The following PRKCZ variants were observed in gnomAD, a reference collection of about 807,000 sequenced individuals.
The protein encoded by PRKCZ is protein kinase C zeta.
A neutral mutation model predicts 79.5 loss-of-function variants in PRKCZ; 33 were observed. The ratio of observed to expected loss-of-function variants is 0.41; its 90% CI spans 0.31 to 0.55. The LOEUF is 0.55. Among genes scored for constraint, PRKCZ ranks in the 20% least tolerant of loss-of-function variants. The probability of loss-of-function intolerance (pLI) is 0.19; values close to 1 mark genes in which losing one functional copy is unlikely to be tolerated. For synonymous variants in PRKCZ, 342 were observed against 320.9 expected (o/e 1.07, Z -0.70); for missense variants, 578 against 813.5 (o/e 0.71, Z 3.52).
chr1:2,080,980 G>A (rs1297814085), intron 4 of PRKCZ, among the ~76,000 whole-genome samples: 2 of 152,156 alleles, frequency 1.3e-5, no homozygotes, highest in Non-Finnish European at 2.9e-5. Context: ...GCTGGGTCCA[G>A]GTCCACACCC....
At chr1:2,144,380 G>A (rs776406535) in intron 6 of PRKCZ, 39 bp downstream of exon 6, 9 of 1,547,458 alleles carry the variant, frequency 5.8e-6, no homozygotes, top group African/African-American at 2.7e-5. Context: ...GGGCACGGGC[G>A]GGGTCGGGGC....
At position 2,168,226 on chromosome 1, in the gene PRKCZ, G is replaced by A. The variant is rs983897948; in HGVS notation, c.975-1292G>A. 1.3e-5 allele frequency among the ~76,000 whole-genome samples: 2 copies of A among 152,176 alleles called. No homozygotes were observed. Among genetic ancestry groups the A allele is most frequent in the African/African-American group, 2.4e-5 (1 of 41,436 alleles). Reference sequence around the variant, plus strand: ...CCTCTGCCACGGTGGCTGGAAAGCAGACATAGAAAATAGATGCACCAGTGA... The same window carrying A: ...CCTCTGCCACGGTGGCTGGAAAGCAAACATAGAAAATAGATGCACCAGTGA... On this transcript the variant is annotated intron_variant, in intron 10 of 17. Coordinates refer to ENST00000378567, the MANE Select transcript of PRKCZ (RefSeq NM_002744.6). The surrounding 1 kb of genome is among the most constrained non-coding windows in gnomAD (Gnocchi z 4.7).
chr1:2,136,411 G>C (rs1230634367), intron 5 of PRKCZ, among the ~76,000 whole-genome samples: 1 of 152,196 alleles, frequency 6.6e-6, no homozygotes, highest in Non-Finnish European at 1.5e-5. Flanking sequence ...GTCAGCACTA[G>C]GAAGACCTGG....
Position 2,120,382 on chromosome 1 carries a change from C to T in PRKCZ, c.335-14880C>T, listed in dbSNP as rs985471106. ...TGGCGCGATCTCGACTCACTGCAAT[C>T]TCCACCTCCCCGGTTCAAGTGATTC... On this transcript the variant is annotated intron_variant, in intron 4 of 17. Coordinates refer to ENST00000378567, the MANE Select transcript of PRKCZ (RefSeq NM_002744.6). Among the ~76,000 whole-genome samples, 3 of 127,246 alleles carry T rather than the reference C, an allele frequency of 2.4e-5. No homozygotes were observed. The East Asian group carries it at 8.3e-4, about 35-fold the overall frequency. 83.5% of individuals were successfully genotyped at this position (127,246 alleles called of 152,430 possible). A position where few individuals can be genotyped will look rare whatever the true frequency, so the allele number is the denominator to read the frequency against.
rs145073331 is a variant in PRKCZ, at chr1:2,080,531, C to T, written c.334+20940C>T. Among the ~76,000 whole-genome samples, 759 of 152,252 alleles carry T rather than the reference C, an allele frequency of 5.0e-3. 15 individuals are homozygous for T. Among genetic ancestry groups the T allele is most frequent in the African/African-American group, 0.017 (718 of 41,544 alleles). ...ACCCAGGTAGTTTAGTTCTGTCACC[C>T]CCTCGTTCAGTGGGGTGGTGGGAAG... On this transcript the variant is annotated intron_variant, in intron 4 of 17. Transcript: ENST00000378567.
At chr1:2,109,530 G>A (rs140019654) in intron 4 of PRKCZ, among the ~76,000 whole-genome samples, 21 of 152,346 alleles carry the variant, frequency 1.4e-4, no homozygotes, top group South Asian at 6.2e-4. Context: ...TCCCTTGGAC[G>A]GTTGAGCAGA....
chr1:2,114,968 A>T (rs184606250), intron 4 of PRKCZ, among the ~76,000 whole-genome samples: 37 of 152,310 alleles, frequency 2.4e-4, no homozygotes, highest in African/African-American at 8.7e-4. Context: ...CAACTCCACG[A>T]GTTTTTACAA....
intron 11 of PRKCZ, among the ~76,000 whole-genome samples, chr1:2,170,253 G>A (rs558925030): frequency 6.6e-6 from 1 of 152,160 alleles, no homozygotes; most frequent in East Asian, 1.9e-4. Context: ...CAGCCGAGGG[G>A]CCTCCAGCAT....
chr1:2,180,430 G>A (rs903662525), intron 16 of PRKCZ, among the ~76,000 whole-genome samples: 1 of 151,102 alleles, frequency 6.6e-6, no homozygotes, highest in African/African-American at 2.4e-5. Context: ...GTAGACACAC[G>A]GATGACTCAT....
At chr1:2,154,768 G>C (rs1012220653) in intron 9 of PRKCZ, among the ~76,000 whole-genome samples, 5 of 152,294 alleles carry the variant, frequency 3.3e-5, no homozygotes, top group South Asian at 4.2e-4. Context: ...CTACTTTCTG[G>C]GGTCAAGATG....
At chr1:2,102,559 C>G (rs983394235) in intron 4 of PRKCZ, among the ~76,000 whole-genome samples, 2 of 152,026 alleles carry the variant, frequency 1.3e-5, no homozygotes, top group Non-Finnish European at 1.5e-5. Flanking sequence ...GTCTCGATCT[C>G]CTGACCTCGT....
At chr1:2,162,799 C>T (rs1241776009) in intron 10 of PRKCZ, among the ~76,000 whole-genome samples, 11 of 152,268 alleles carry the variant, frequency 7.2e-5, no homozygotes, top group Non-Finnish European at 2.9e-5. Flanking sequence ...CTGTTATAAA[C>T]GAGGTATTTT....
intron 4 of PRKCZ, among the ~76,000 whole-genome samples, chr1:2,124,377 TTAGGGTCAC>T: frequency 7.8e-6 from 1 of 127,786 alleles, no homozygotes; most frequent in Admixed American, 7.8e-5. Context: ...ACGGCGGCGG[TTAGGGTCAC>T]GGCGGTGGTT....
At position 2,124,007 on chromosome 1, in the gene PRKCZ, A is replaced by G. The variant is rs1310009861; in HGVS notation, c.335-11255A>G. Reference sequence around the variant, plus strand: ...GGTTAGGGTCGTGGTGGTTAGGGTCACGGTGGCGGTTAGGGTCACGGCGGC... The same window carrying G: ...GGTTAGGGTCGTGGTGGTTAGGGTCGCGGTGGCGGTTAGGGTCACGGCGGC... On this transcript the variant is annotated intron_variant, in intron 4 of 17. Coordinates refer to ENST00000378567, the MANE Select transcript of PRKCZ (RefSeq NM_002744.6). 8.6e-4 allele frequency among the ~76,000 whole-genome samples: 3 copies of G among 3,482 alleles called. 1 individual carries two copies. The highest frequency in any genetic ancestry group is 4.9e-3 in the Admixed American group (1 of 204). 2.3% of individuals were successfully genotyped at this position (3,482 alleles called of 152,430 possible).
intron 5 of PRKCZ, among the ~76,000 whole-genome samples, chr1:2,140,614 G>A (rs1268440384): frequency 1.3e-5 from 2 of 152,022 alleles, no homozygotes; most frequent in East Asian, 3.9e-4. Context: ...CTGAGAACAT[G>A]CCACTGTACT....
At position 2,121,777 on chromosome 1, in the gene PRKCZ, C is replaced by CGGCGGTGGTTAGGGTCAT; in HGVS notation, c.335-13483_335-13482insCGGTGGTTAGGGTCATGG. 5.1e-4 allele frequency among the ~76,000 whole-genome samples: 2 copies of CGGCGGTGGTTAGGGTCAT among 3,894 alleles called. 1 individual carries two copies. The highest frequency in any genetic ancestry group is 1.9e-3 in the African/African-American group (2 of 1,062). The allele number at this position is 3,894 out of a possible 152,430, so 2.6% of individuals were successfully genotyped here. On this transcript the variant is annotated intron_variant, in intron 4 of 17. Coordinates refer to ENST00000378567, the MANE Select transcript of PRKCZ (RefSeq NM_002744.6). ...AGGGTCACGGCGGTGGTTAGGGTCA[C>CGGCGGTGGTTAGGGTCAT]GGTGGTGGTTAGGGTCACGGCGGTG...
At chr1:2,086,742 C>G (rs1347095943) in intron 4 of PRKCZ, among the ~76,000 whole-genome samples, 1 of 152,244 alleles carries the variant, frequency 6.6e-6, no homozygotes, top group African/African-American at 2.4e-5. Context: ...CGGCAGCTCC[C>G]AGTGCCGCAG....
At chr1:2,104,909 A>T in intron 4 of PRKCZ, 1 of 985,420 alleles carries the variant, frequency 1.0e-6, no homozygotes, top group African/African-American at 1.7e-5. Context: ...AGTAGCCTTT[A>T]TTCTTCACAC....
intron 4 of PRKCZ, among the ~76,000 whole-genome samples, chr1:2,068,814 A>G (rs1170549862): frequency 6.6e-6 from 1 of 152,146 alleles, no homozygotes; most frequent in African/African-American, 2.4e-5. Context: ...GGCGCTGGTC[A>G]TTGGGACCAT....
Sources: gnomAD v4.1 joint callset for allele counts (sites outside exome capture counted in the v4.1 genomes callset) on GRCh38, gnomAD v4.1.1 for gene constraint, Gnocchi (gnomAD v3.1) non-coding constraint, MANE v1.5 for transcripts, NCBI Gene and HGNC (gene_info 2026-07-23, HGNC 2026-07-21) for gene names.